The following KDM3A variants were observed in gnomAD, a reference collection of about 807,000 sequenced individuals.
KDM3A encodes the protein lysine demethylase 3A, also known as lysine-specific demethylase 3A.
In KDM3A, 60 loss-of-function variants were observed where a neutral mutation model predicts 158.0. The ratio of observed to expected loss-of-function variants is 0.38; its 90% CI spans 0.31 to 0.47. The LOEUF is 0.47. Among genes scored for constraint, KDM3A ranks in the 20% least tolerant of loss-of-function variants. KDM3A has a pLI of 0.99. For missense variants in KDM3A, 1,319 were observed against 1,574.3 expected (o/e 0.84, Z 2.74); for synonymous variants, 608 against 549.3 (o/e 1.11, Z -1.49).
chr2:86,456,655 TTTA>T (rs1191702812), intron 6 of KDM3A, 89 bp downstream of exon 6: 1 of 1,318,048 alleles, frequency 7.6e-7, no homozygotes, highest in African/African-American at 1.5e-5. Flanking sequence ...ACTAAATACC[TTTA>T]TTATTTTATA....
In KDM3A at chr2:86,458,381, T is replaced by G. The variant is rs902545041; in HGVS notation, c.843+1310T>G. ...GGCTTTGACCTCTTGAGGCTCAGGT[T>G]GTTTAGGAAAGAATGAAGAGTTAAG... On this transcript the variant is annotated intron_variant, in intron 8 of 25. Transcript: ENST00000312912. Among the ~76,000 whole-genome samples the G allele has an allele frequency of 6.6e-5, 10 of 152,368 alleles. 1 individual carries two copies. The South Asian group carries it at 1.9e-3, about 28-fold the overall frequency.
chr2:86,471,361 A>G (rs201412439), intron 11 of KDM3A, among the ~76,000 whole-genome samples: 8 of 149,846 alleles, frequency 5.3e-5, no homozygotes, highest in African/African-American at 1.2e-4. Context: ...GTGTGTGTAT[A>G]TGTGTATATA....
upstream of KDM3A, chr2:86,441,363 C>G (rs962125893): frequency 6.6e-6 from 1 of 152,300 alleles, no homozygotes; most frequent in Non-Finnish European, 1.5e-5. Flanking sequence ...TGTGAGAGCT[C>G]TTGAACCAAG....
chr2:86,458,192 A>T (rs1161343746), intron 8 of KDM3A, among the ~76,000 whole-genome samples: 1 of 152,178 alleles, frequency 6.6e-6, no homozygotes, highest in African/African-American at 2.4e-5. Flanking sequence ...ATCGACTAGA[A>T]CCAAAGCTAG....
chr2:86,482,875 T>C, intron 18 of KDM3A, 181 bp downstream of exon 18: 1 of 630,724 alleles, frequency 1.6e-6, no homozygotes, highest in Non-Finnish European at 2.7e-6. Context: ...TTAAAGCAGA[T>C]GGTCCTAAGC....
chr2:86,473,296 G>C (rs746744312), intron 11 of KDM3A, among the ~76,000 whole-genome samples: 18 of 152,128 alleles, frequency 1.2e-4, no homozygotes, highest in Non-Finnish European at 2.1e-4. Context: ...AGGTAGCTAG[G>C]ACTACAGGCT....
At chr2:86,443,026 C>T (rs943971464) in intron 2 of KDM3A, among the ~76,000 whole-genome samples, 1 of 152,016 alleles carries the variant, frequency 6.6e-6, no homozygotes, top group Non-Finnish European at 1.5e-5. Context: ...ATTGTGCTCC[C>T]TAATAGAAGT....
chr2:86,482,036 T>G lies in KDM3A; in HGVS notation c.2619T>G (p.Ile873Met). The change falls in exon 17 of 26, where the codon ATT becomes ATG. Residue 873 changes from isoleucine (I) to methionine (M), a missense_variant. By Grantham distance (10) the Ile-to-Met change is conservative. Coordinates refer to ENST00000312912, the MANE Select transcript of KDM3A (RefSeq NM_018433.6). ...STVLHTFNST[I>M]LTPVSNNNSG... ...TCCTCCATACGTTTAACAGCACAAT[T>G]TTGACACCCGTAAGCAACAACAATT... The G allele has an allele frequency of 1.2e-6, 2 of 1,614,188 alleles. No individual in the cohort carries two copies. The highest frequency in any genetic ancestry group is 2.2e-5 in the South Asian group (2 of 91,082).
intron 3 of KDM3A, 150 bp downstream of exon 3, chr2:86,450,112 G>A (rs893718816): frequency 7.7e-6 from 6 of 781,688 alleles, no homozygotes; most frequent in Non-Finnish European, 1.0e-5. Context: ...ACTTCTGAGC[G>A]AGTCCCTTGA....
intron 2 of KDM3A, chr2:86,443,264 TAAAG>T (rs1456439045): frequency 6.6e-6 from 1 of 152,210 alleles, no homozygotes; most frequent in African/African-American, 2.4e-5. Flanking sequence ...TATGTTCAAA[TAAAG>T]GCAGCAAGTT....
upstream of KDM3A, among the ~76,000 whole-genome samples, chr2:86,438,239 C>G (rs1343006982): frequency 6.6e-6 from 1 of 151,954 alleles, no homozygotes; most frequent in East Asian, 1.9e-4. Context: ...TATGTATTTT[C>G]TCCTTTAATT....
intron 2 of KDM3A, among the ~76,000 whole-genome samples, chr2:86,442,945 A>AT (rs199694175): frequency 2.7e-3 from 404 of 151,792 alleles, no homozygotes; most frequent in Non-Finnish European, 4.1e-3. Flanking sequence ...GCGGCCAGTG[A>AT]TTTTTTTTTA....
chr2:86,457,623 T>C (rs754561125), intron 8 of KDM3A, among the ~76,000 whole-genome samples: 5 of 152,208 alleles, frequency 3.3e-5, no homozygotes, highest in Non-Finnish European at 7.3e-5. Flanking sequence ...AATTTCACCA[T>C]GTGGAAGTGT....
chr2:86,485,966 G>A (rs1002234477), intron 21 of KDM3A, 107 bp downstream of exon 21: 30 of 1,104,200 alleles, frequency 2.7e-5, no homozygotes, highest in South Asian at 2.4e-4. Flanking sequence ...ATCCTAATGC[G>A]TAATACAGCC....
chr2:86,472,215 T>C (rs1307114066), intron 11 of KDM3A, among the ~76,000 whole-genome samples: 1 of 152,204 alleles, frequency 6.6e-6, no homozygotes, highest in Non-Finnish European at 1.5e-5. Flanking sequence ...TCATTGACTT[T>C]ATGACTTAGC....
At chr2:86,447,474 G>A (rs1402565130) in intron 2 of KDM3A, among the ~76,000 whole-genome samples, 1 of 139,022 alleles carries the variant, frequency 7.2e-6, no homozygotes, top group African/African-American at 3.0e-5. Context: ...TTTTTTTGCT[G>A]AATAGATATT....
chr2:86,440,293 T>C (rs559035560), upstream of KDM3A, among the ~76,000 whole-genome samples: 1 of 152,352 alleles, frequency 6.6e-6, no homozygotes, highest in East Asian at 1.9e-4. Context: ...TTCCAAACAT[T>C]CTCTGATTAT....
intron 3 of KDM3A, among the ~76,000 whole-genome samples, chr2:86,450,549 T>A (rs1283912054): frequency 2.0e-5 from 3 of 152,110 alleles, no homozygotes; most frequent in African/African-American, 7.2e-5. Context: ...AAGAGAAGAG[T>A]GAGCGCTGTC....
intron 9 of KDM3A, 102 bp downstream of exon 9, chr2:86,464,318 T>TA (rs1673046592): frequency 3.6e-6 from 3 of 839,674 alleles, no homozygotes; most frequent in South Asian, 2.7e-5. Context: ...GGTTTTTCGT[T>TA]AGAGTTTCTG....
Sources: allele counts gnomAD v4.1 joint callset (sites outside exome capture counted in the v4.1 genomes callset), GRCh38; gene constraint gnomAD v4.1.1; transcripts MANE v1.5; gene names NCBI Gene and HGNC (gene_info 2026-07-23, HGNC 2026-07-21).